DGKB: variants seen among roughly 807,000 people sequenced by gnomAD.
DGKB encodes diacylglycerol kinase beta.
A neutral mutation model predicts 114.3 loss-of-function variants in DGKB; 67 were observed. That is an observed-to-expected ratio of 0.59 (90% CI 0.48 to 0.72). DGKB has a LOEUF of 0.72. Ranked by LOEUF, DGKB falls within the 30% of genes least tolerant of loss-of-function variation. The pLI, the probability that DGKB is intolerant of heterozygous loss-of-function variation, is 0.00. For synonymous variants in DGKB, 398 were observed against 323.1 expected, an observed-to-expected ratio of 1.23 and a Z score of -2.49; for missense variants, 907 against 975.2, an observed-to-expected ratio of 0.93 and a Z score of 0.93.
intron 23 of DGKB, among the ~76,000 whole-genome samples, chr7:14,252,189 T>C (rs1290582458): frequency 6.6e-6 from 1 of 152,164 alleles, no homozygotes; most frequent in Non-Finnish European, 1.5e-5. Flanking sequence ...TTTTTTATTC[T>C]TCTTACCCAG....
intron 20 of DGKB, among the ~76,000 whole-genome samples, chr7:14,511,284 C>T (rs556359398): frequency 9.8e-5 from 15 of 152,310 alleles, no homozygotes; most frequent in South Asian, 2.1e-4. Context: ...TTAGCTAAAT[C>T]GCCAAATCTT....
intron 20 of DGKB, among the ~76,000 whole-genome samples, chr7:14,514,756 C>A (rs1172104618): frequency 1.3e-5 from 2 of 151,946 alleles, no homozygotes; most frequent in Admixed American, 6.6e-5. Flanking sequence ...ATTAGTGTCC[C>A]ATTTTAAAAA....
At chr7:14,792,598 C>T (rs1016561628) in intron 2 of DGKB, among the ~76,000 whole-genome samples, 2 of 151,986 alleles carry the variant, frequency 1.3e-5, no homozygotes, top group Non-Finnish European at 2.9e-5. Flanking sequence ...AATAAGCTGG[C>T]AGAGAATCAA....
intron 20 of DGKB, among the ~76,000 whole-genome samples, chr7:14,482,078 A>G (rs2128913688): frequency 6.6e-6 from 1 of 152,038 alleles, no homozygotes; most frequent in Middle Eastern, 3.4e-3. Flanking sequence ...ATTTTACTGA[A>G]TATTTTACTT....
chr7:14,857,617 C>T (rs575388959), intron 1 of DGKB, among the ~76,000 whole-genome samples: 9 of 152,090 alleles, frequency 5.9e-5, no homozygotes, highest in Non-Finnish European at 1.2e-4. Context: ...TTCTAAAACA[C>T]TAAACATATT....
At chr7:14,554,261 G>C (rs1002815780) in intron 20 of DGKB, among the ~76,000 whole-genome samples, 3 of 152,126 alleles carry the variant, frequency 2.0e-5, no homozygotes, top group Non-Finnish European at 4.4e-5. Flanking sequence ...CACTACTGTT[G>C]AGTGTTGTAA....
intron 1 of DGKB, among the ~76,000 whole-genome samples, chr7:14,845,587 G>C (rs1848527789): frequency 6.6e-6 from 1 of 152,110 alleles, no homozygotes; most frequent in Admixed American, 6.5e-5. Context: ...TTTGTTCACT[G>C]CTGTTTTCCC....
intron 5 of DGKB, among the ~76,000 whole-genome samples, chr7:14,729,189 CT>C (rs1830498526): frequency 7.2e-6 from 1 of 138,250 alleles, no homozygotes; most frequent in Admixed American, 7.7e-5. Context: ...GTGGCGCCAT[CT>C]CGGCTCACTG....
chr7:14,189,795 T>G (rs989675005), intron 23 of DGKB, among the ~76,000 whole-genome samples: 1 of 152,250 alleles, frequency 6.6e-6, no homozygotes, highest in Admixed American at 6.5e-5. Context: ...CAAAAACTGT[T>G]AAAAGAGGCA....
chr7:14,748,697 GA>G (rs1004345258), intron 4 of DGKB, among the ~76,000 whole-genome samples: 1 of 152,118 alleles, frequency 6.6e-6, no homozygotes, highest in Non-Finnish European at 1.5e-5. Context: ...TTTTTAGTAG[GA>G]AATTCCATGA....
chr7:14,871,822 G>C (rs939483528), intron 1 of DGKB, among the ~76,000 whole-genome samples: 1 of 152,080 alleles, frequency 6.6e-6, no homozygotes, highest in East Asian at 1.9e-4. Flanking sequence ...GTGATGGATG[G>C]CATCATGCAG....
chr7:14,666,551 T>A (rs1818057438), intron 13 of DGKB, among the ~76,000 whole-genome samples: 1 of 152,038 alleles, frequency 6.6e-6, no homozygotes, highest in South Asian at 2.1e-4. Flanking sequence ...ATAGATTCTA[T>A]TAAAGGCAGA....
intron 23 of DGKB, among the ~76,000 whole-genome samples, chr7:14,274,832 AC>A (rs1384459930): frequency 7.0e-6 from 1 of 143,838 alleles, no homozygotes; most frequent in Non-Finnish European, 1.5e-5. Flanking sequence ...CACCTTCATT[AC>A]CTCATCTACA....
At chr7:14,715,192 TAATTA>T (rs1162197819) in intron 6 of DGKB, among the ~76,000 whole-genome samples, 3 of 152,168 alleles carry the variant, frequency 2.0e-5, no homozygotes, top group African/African-American at 4.8e-5. Flanking sequence ...TACTATGCAA[TAATTA>T]AATTAAAAGT....
At chr7:14,426,910 A>G (rs1827655754) in intron 21 of DGKB, among the ~76,000 whole-genome samples, 1 of 151,664 alleles carries the variant, frequency 6.6e-6, no homozygotes, top group South Asian at 2.1e-4. Context: ...AAATACAAAC[A>G]TTAGCCAGGC....
At chr7:14,885,793 A>T (rs953160857) in intron 1 of DGKB, among the ~76,000 whole-genome samples, 1 of 151,880 alleles carries the variant, frequency 6.6e-6, no homozygotes, top group Non-Finnish European at 1.5e-5. Context: ...TGATTAAATG[A>T]TTTAATGAAA....
intron 2 of DGKB, among the ~76,000 whole-genome samples, chr7:14,818,878 T>C (rs936538049): frequency 2.0e-5 from 3 of 152,268 alleles, no homozygotes; most frequent in Admixed American, 2.0e-4. Context: ...AGGATGGTGT[T>C]ATGTGGAAGC....
At chr7:14,822,098 C>A (rs1023293119) in intron 2 of DGKB, among the ~76,000 whole-genome samples, 2 of 152,048 alleles carry the variant, frequency 1.3e-5, no homozygotes, top group Non-Finnish European at 2.9e-5. Context: ...TTACTTTAAT[C>A]GGGCAGAAAG....
intron 25 of DGKB, chr7:14,176,299 T>C: frequency 4.1e-6 from 4 of 971,274 alleles, no homozygotes; most frequent in Non-Finnish European, 4.9e-6. Context: ...GAAAACTGAT[T>C]TTTTTTTGAG....
Sources: gnomAD v4.1 joint callset for allele counts (sites outside exome capture counted in the v4.1 genomes callset) on GRCh38, gnomAD v4.1.1 for gene constraint, MANE v1.5 for transcripts, NCBI Gene and HGNC (gene_info 2026-07-23, HGNC 2026-07-21) for gene names.